The following GPC6 variants were observed in gnomAD, a reference collection of about 807,000 sequenced individuals.
GPC6 encodes the protein glypican 6, also known as glypican-6.
A neutral mutation model predicts 55.2 loss-of-function variants in GPC6; 14 were observed. The ratio of observed to expected loss-of-function variants is 0.25; its 90% confidence interval spans 0.17 to 0.40. The LOEUF (loss-of-function observed/expected upper bound fraction) is 0.40. GPC6 is among the 10% of genes least tolerant of loss of function. The pLI is 1.00. For synonymous variants in GPC6, 278 were observed against 259.6 expected (o/e 1.07, Z -0.68); for missense variants, 641 against 708.5 (o/e 0.90, Z 1.08).
At chr13:94,109,364 A>G (rs1886161011) in intron 4 of GPC6, among the ~76,000 whole-genome samples, 1 of 152,162 alleles carries the variant, frequency 6.6e-6, no homozygotes, top group African/African-American at 2.4e-5. Flanking sequence ...GACTAATCAT[A>G]AACTGATTTA....
intron 3 of GPC6, among the ~76,000 whole-genome samples, chr13:93,935,538 G>A (rs1281708250): frequency 2.0e-5 from 3 of 152,048 alleles, no homozygotes; most frequent in East Asian, 1.9e-4. Context: ...CTTTGCTATT[G>A]TGAATAGTGC....
intron 4 of GPC6, among the ~76,000 whole-genome samples, chr13:94,158,202 A>G (rs903021168): frequency 6.6e-6 from 1 of 152,164 alleles, no homozygotes. Flanking sequence ...TAATAGCAAA[A>G]TTATCAAGAG....
intron 2 of GPC6, among the ~76,000 whole-genome samples, chr13:93,622,647 T>C (rs149918973): frequency 5.3e-5 from 8 of 152,206 alleles, no homozygotes; most frequent in Non-Finnish European, 7.3e-5. Context: ...ATGTAATAAG[T>C]GTACATATTT....
intron 1 of GPC6, among the ~76,000 whole-genome samples, chr13:93,495,632 G>GT (rs1880234068): frequency 9.7e-6 from 1 of 102,852 alleles, no homozygotes; most frequent in Non-Finnish European, 2.0e-5. Flanking sequence ...TTTCTGTTCT[G>GT]TTTTTTCCCC....
chr13:94,105,176 A>T (rs1247336753), intron 4 of GPC6, among the ~76,000 whole-genome samples: 1 of 152,048 alleles, frequency 6.6e-6, no homozygotes, highest in Non-Finnish European at 1.5e-5. Flanking sequence ...GCAACATAGC[A>T]AGACCCCGTA....
intron 1 of GPC6, among the ~76,000 whole-genome samples, chr13:93,232,816 C>T (rs1251320743): frequency 6.6e-6 from 1 of 152,072 alleles, no homozygotes; most frequent in Non-Finnish European, 1.5e-5. Context: ...ACTTCAATCA[C>T]TAGTTTTGTA....
At chr13:93,670,413 G>A (rs1881313411) in intron 2 of GPC6, among the ~76,000 whole-genome samples, 2 of 152,132 alleles carry the variant, frequency 1.3e-5, no homozygotes, top group Non-Finnish European at 2.9e-5. Context: ...ATAAAAGAGA[G>A]TCACTAAATG....
At chr13:93,943,217 G>A (rs776051790) in intron 3 of GPC6, among the ~76,000 whole-genome samples, 3 of 152,046 alleles carry the variant, frequency 2.0e-5, no homozygotes, top group Non-Finnish European at 4.4e-5. Flanking sequence ...ACAGTATACT[G>A]AATTATAGTA....
intron 4 of GPC6, among the ~76,000 whole-genome samples, chr13:94,153,144 G>C (rs1887805144): frequency 1.3e-5 from 2 of 152,042 alleles, no homozygotes; most frequent in South Asian, 4.2e-4. Context: ...AGGCACAGGA[G>C]AATTTAATGA....
intron 1 of GPC6, among the ~76,000 whole-genome samples, chr13:93,424,751 G>A (rs761525721): frequency 3.9e-5 from 6 of 151,996 alleles, no homozygotes; most frequent in Non-Finnish European, 8.8e-5. Context: ...TTTGTCAAAC[G>A]TTTTCATTGA....
rs28587014 is a variant in GPC6 at position 93,640,832 on chromosome 13, G to C, written c.319+95411G>C. ...CCTTCCTTCTTTCCTTCCTTCCTTTGTTCCTTCCTTCCTTCCTTCCTACCT... is the reference window on the plus strand; with the variant it reads ...CCTTCCTTCTTTCCTTCCTTCCTTTCTTCCTTCCTTCCTTCCTTCCTACCT... On this transcript the variant is annotated intron_variant, in intron 2 of 8. Transcript: ENST00000377047. Among the ~76,000 whole-genome samples the C allele has an allele frequency of 5.8e-4, 70 of 120,030 alleles. 1 individual carries two copies. The highest frequency in any genetic ancestry group is 2.0e-3 in the African/African-American group (57 of 28,448). The allele number at this position is 120,030 out of a possible 152,430, so 78.7% of individuals were successfully genotyped here.
chr13:93,945,976 A>G (rs1293810630), intron 3 of GPC6, among the ~76,000 whole-genome samples: 1 of 152,316 alleles, frequency 6.6e-6, no homozygotes, highest in East Asian at 1.9e-4. Flanking sequence ...TCTACTCACA[A>G]TATAACTACA....
chr13:93,402,607 A>G (rs1021406382), intron 1 of GPC6, among the ~76,000 whole-genome samples: 3 of 152,182 alleles, frequency 2.0e-5, no homozygotes, highest in Admixed American at 2.0e-4. Context: ...GCTACACCGT[A>G]CTGACAGTAG....
chr13:94,123,122 GTTAAAAC>G (rs929967043), intron 4 of GPC6, among the ~76,000 whole-genome samples: 1 of 151,864 alleles, frequency 6.6e-6, no homozygotes, highest in Non-Finnish European at 1.5e-5. Flanking sequence ...TTTTCAAAAT[GTTAAAAC>G]TTAAAAAAAC....
chr13:93,560,701 A>G (rs1320244664), intron 2 of GPC6, among the ~76,000 whole-genome samples: 1 of 151,806 alleles, frequency 6.6e-6, no homozygotes, highest in Non-Finnish European at 1.5e-5. Flanking sequence ...TAAAAATACA[A>G]AAAATTATGA....
intron 6 of GPC6, among the ~76,000 whole-genome samples, chr13:94,358,501 A>C (rs1225377564): frequency 6.6e-6 from 1 of 152,230 alleles, no homozygotes; most frequent in Non-Finnish European, 1.5e-5. Context: ...GAAAATTAAA[A>C]GACCTTTCAG....
At chr13:93,244,895 C>T (rs1005924182) in intron 1 of GPC6, among the ~76,000 whole-genome samples, 2 of 151,934 alleles carry the variant, frequency 1.3e-5, no homozygotes, top group African/African-American at 2.4e-5. Context: ...AAAAGGGTGA[C>T]GCACACTAAC....
At chr13:94,017,002 T>C (rs571037056) in intron 3 of GPC6, among the ~76,000 whole-genome samples, 1 of 152,138 alleles carries the variant, frequency 6.6e-6, no homozygotes, top group African/African-American at 2.4e-5. Context: ...GCCCAGCTAA[T>C]TTTTGTATTT....
intron 3 of GPC6, among the ~76,000 whole-genome samples, chr13:93,979,316 TG>T (rs1383886267): frequency 2.0e-4 from 29 of 142,222 alleles, no homozygotes; most frequent in African/African-American, 7.6e-4. Context: ...TGTGTGTGTG[TG>T]TTTGTGTGTG....
Sources: gnomAD v4.1 joint callset for allele counts (sites outside exome capture counted in the v4.1 genomes callset) on GRCh38, gnomAD v4.1.1 for gene constraint, MANE v1.5 for transcripts, NCBI Gene and HGNC (gene_info 2026-07-23, HGNC 2026-07-21) for gene names.